POU6F2: variants seen among roughly 807,000 people sequenced by gnomAD.
POU6F2 encodes POU class 6 homeobox 2, also known as POU domain, class 6, transcription factor 2.
In POU6F2, 31 loss-of-function variants were observed where a neutral mutation model predicts 71.3. The observed-to-expected ratio is 0.43, with a 90% CI of 0.33 to 0.59. The LOEUF (loss-of-function observed/expected upper bound fraction) is 0.59. POU6F2 is among the 20% of genes least tolerant of loss of function. The pLI is 0.04. For synonymous variants in POU6F2, 347 were observed against 355.7 expected (o/e 0.98, Z 0.27); for missense variants, 783 against 856.8 (o/e 0.91, Z 1.07).
chr7:39,189,866 T>TCCTTCTA (rs1793624398), intron 2 of POU6F2, among the ~76,000 whole-genome samples: 1 of 152,074 alleles, frequency 6.6e-6, no homozygotes, highest in Non-Finnish European at 1.5e-5. Context: ...TATCAATCAT[T>TCCTTCTA]CCTTCTACCC....
intron 1 of POU6F2, among the ~76,000 whole-genome samples, chr7:38,982,961 C>T (rs752498305): frequency 6.6e-6 from 1 of 151,958 alleles, no homozygotes; most frequent in Non-Finnish European, 1.5e-5. Flanking sequence ...CTTTTCTTTG[C>T]TATGTAAACT....
intron 2 of POU6F2, among the ~76,000 whole-genome samples, chr7:39,112,629 T>G (rs1199320567): frequency 6.6e-6 from 1 of 152,040 alleles, no homozygotes; most frequent in East Asian, 1.9e-4. Context: ...TTTTTTTTCT[T>G]CTACTTTTTA....
At chr7:38,999,405 A>G (rs1430705172) in intron 1 of POU6F2, among the ~76,000 whole-genome samples, 2 of 152,182 alleles carry the variant, frequency 1.3e-5, no homozygotes, top group South Asian at 2.1e-4. Context: ...CAGGTACTCC[A>G]TTTTTATCGC....
At chr7:39,253,799 G>T (rs1187299179) in intron 4 of POU6F2, among the ~76,000 whole-genome samples, 1 of 152,184 alleles carries the variant, frequency 6.6e-6, no homozygotes, top group Non-Finnish European at 1.5e-5. Context: ...AGCTTCTGAT[G>T]AAGTTATTTA....
intron 4 of POU6F2, among the ~76,000 whole-genome samples, chr7:39,285,952 C>A (rs1410847575): frequency 6.6e-6 from 1 of 152,224 alleles, no homozygotes; most frequent in African/African-American, 2.4e-5. Context: ...CAGCACAGGA[C>A]ACACGTTGAT....
At chr7:39,391,478 T>C (rs1041184913) in intron 5 of POU6F2, among the ~76,000 whole-genome samples, 1 of 152,132 alleles carries the variant, frequency 6.6e-6, no homozygotes, top group Non-Finnish European at 1.5e-5. Context: ...AAATATAATG[T>C]ACAAAATAAG....
At chr7:39,267,192 G>A (rs534797701) in intron 4 of POU6F2, among the ~76,000 whole-genome samples, 4 of 152,284 alleles carry the variant, frequency 2.6e-5, no homozygotes, top group East Asian at 3.9e-4. Flanking sequence ...ATAGAACTAC[G>A]GGAGGAGGCT....
intron 5 of POU6F2, among the ~76,000 whole-genome samples, chr7:39,396,742 TA>T (rs1787180842): frequency 6.6e-6 from 1 of 152,122 alleles, no homozygotes; most frequent in East Asian, 1.9e-4. Context: ...CACTTGTGCC[TA>T]GGGGCACATA....
intron 1 of POU6F2, among the ~76,000 whole-genome samples, chr7:39,066,025 T>C (rs1790747888): frequency 6.6e-6 from 1 of 151,820 alleles, no homozygotes; most frequent in Admixed American, 6.6e-5. Flanking sequence ...AAGGTATCAA[T>C]GCAAAATACT....
intron 5 of POU6F2, among the ~76,000 whole-genome samples, chr7:39,371,438 C>T (rs900573174): frequency 6.6e-6 from 1 of 152,176 alleles, no homozygotes; most frequent in African/African-American, 2.4e-5. Flanking sequence ...CTTGGCCTCC[C>T]AAAGTGCTGG....
intron 4 of POU6F2, among the ~76,000 whole-genome samples, chr7:39,308,534 TGTGA>T: frequency 6.6e-6 from 1 of 152,190 alleles, no homozygotes; most frequent in East Asian, 1.9e-4. Flanking sequence ...GGACTACAGA[TGTGA>T]GTAAGAATTG....
intron 6 of POU6F2, among the ~76,000 whole-genome samples, chr7:39,429,359 C>G: frequency 6.6e-6 from 1 of 152,250 alleles, no homozygotes; most frequent in Non-Finnish European, 1.5e-5. Context: ...CTTTCTTCCT[C>G]GGAAGTGACT....
In POU6F2 at chr7:39,406,610, A is replaced by G. The variant is rs1208408198; in HGVS notation, c.983A>G (p.Asn328Ser). 6 of 1,612,656 alleles carry G rather than the reference A, an allele frequency of 3.7e-6. No homozygotes were observed. Among genetic ancestry groups the G allele is most frequent in the Non-Finnish European group, 5.1e-6 (6 of 1,179,748 alleles). Residue 328 changes from asparagine (N) to serine (S), a missense_variant, in exon 6 of 10, where the codon AAT (asparagine) becomes AGT (serine). Coordinates refer to ENST00000518318, the MANE Select transcript of POU6F2 (RefSeq NM_001370959.1). ...TTTCTCTCTTTGCAGCTGGTTAATA[A>G]TCCACTAGCAAGTCAGGCTGCAGCG... ...TPPNPLQLVN[N>S]PLASQAAAAA...
intron 5 of POU6F2, among the ~76,000 whole-genome samples, chr7:39,357,486 G>T (rs1470866723): frequency 6.6e-6 from 1 of 152,168 alleles, no homozygotes; most frequent in African/African-American, 2.4e-5. Flanking sequence ...CTGACCCCAA[G>T]GGATCCTCCC....
At chr7:39,005,515 T>TGTGTGTGTGTGTGTGTGTGTGTGTGTGTG (rs1562664683) in intron 1 of POU6F2, among the ~76,000 whole-genome samples, 15 of 151,040 alleles carry the variant, frequency 9.9e-5, no homozygotes, top group Non-Finnish European at 1.5e-4. Context: ...TGTGTGTGTG[T>TGTGTGTGTGTGTGTGTGTGTGTGTGTGTG]TTATGTTGTG....
At chr7:39,263,663 GCA>G (rs1784183794) in intron 4 of POU6F2, among the ~76,000 whole-genome samples, 2 of 97,444 alleles carry the variant, frequency 2.1e-5, no homozygotes, top group South Asian at 3.2e-4. Flanking sequence ...GCGTGTTCAC[GCA>G]CACACACGCA....
chr7:39,078,397 C>G (rs1354312644), intron 1 of POU6F2, among the ~76,000 whole-genome samples: 1 of 152,140 alleles, frequency 6.6e-6, no homozygotes, highest in Non-Finnish European at 1.5e-5. Context: ...ATATTTTAGC[C>G]AATACACATA....
At position 39,085,907 on chromosome 7, in the gene POU6F2, G is replaced by A. The variant is rs762701383; in HGVS notation, c.153G>A (p.Arg51=). The A allele has an allele frequency of 1.2e-6, 2 of 1,613,654 alleles. No homozygotes were observed. Among genetic ancestry groups the A allele is most frequent in the Non-Finnish European group, 1.7e-6 (2 of 1,179,762 alleles). ...TCAGTAAGCCCTTGCTGTCAGTGCG[G>A]AGTGAAATGAATGCGGAGTTGAGAG... ...GQVSKPLLSV[R]SEMNAELRGE... The change falls in exon 2 of 10, where the codon CGG becomes CGA. Residue 51 remains arginine, a synonymous_variant. Transcript: ENST00000518318.
At chr7:39,346,765 A>G (rs1786041035) in intron 5 of POU6F2, among the ~76,000 whole-genome samples, 2 of 152,228 alleles carry the variant, frequency 1.3e-5, no homozygotes, top group African/African-American at 2.4e-5. Context: ...TGCTTTCATG[A>G]TCACAAGTTA....
Sources: allele counts gnomAD v4.1 joint callset (sites outside exome capture counted in the v4.1 genomes callset), GRCh38; gene constraint gnomAD v4.1.1; transcripts MANE v1.5; gene names NCBI Gene and HGNC (gene_info 2026-07-23, HGNC 2026-07-21).